Variants in CNTNAP2 observed in about 807,000 individuals in gnomAD.
CNTNAP2 encodes the protein contactin associated protein 2, also known as contactin-associated protein-like 2.
Under a neutral mutation model 155.2 loss-of-function variants are expected in CNTNAP2, and 98 were observed. The observed-to-expected ratio is 0.63, with a 90% CI of 0.54 to 0.75. CNTNAP2 has a LOEUF of 0.75. Ranked by LOEUF, CNTNAP2 falls within the 30% of genes least tolerant of loss-of-function variation. The pLI is 0.00. For synonymous variants in CNTNAP2, 651 were observed against 631.2 expected (o/e 1.03, Z -0.47); for missense variants, 1,727 against 1,688.1 (o/e 1.02, Z -0.40).
rs747922195 is a variant in CNTNAP2 at position 146,779,817 on chromosome 7, C to A, written c.208+5436C>A. Among the ~76,000 whole-genome samples the A allele has an allele frequency of 6.2e-4, 94 of 152,298 alleles. 1 individual carries two copies. The highest frequency in any genetic ancestry group is 1.2e-3 in the Non-Finnish European group (79 of 68,018). Reference sequence around the variant, plus strand: ...ATGTTGTTTTCACATTAGTTTTCCTCTATTTCCTTCAGCAGGGAAAACACA... The same window carrying A: ...ATGTTGTTTTCACATTAGTTTTCCTATATTTCCTTCAGCAGGGAAAACACA... On this transcript the variant is annotated intron_variant, in intron 2 of 23. Transcript: ENST00000361727.
chr7:147,546,144 CTT>C (rs1453056053), intron 11 of CNTNAP2, among the ~76,000 whole-genome samples: 1 of 152,118 alleles, frequency 6.6e-6, no homozygotes, highest in Non-Finnish European at 1.5e-5. Context: ...GCTAATGTCT[CTT>C]TAATCAAAAC....
At chr7:147,402,262 G>C (rs184664918) in intron 10 of CNTNAP2, among the ~76,000 whole-genome samples, 1 of 152,072 alleles carries the variant, frequency 6.6e-6, no homozygotes, top group Admixed American at 6.5e-5. Flanking sequence ...TATGCAATAC[G>C]TTATCACCAC....
intron 9 of CNTNAP2, among the ~76,000 whole-genome samples, chr7:147,330,369 G>A (rs1015024077): frequency 9.2e-5 from 14 of 152,062 alleles, no homozygotes; most frequent in Middle Eastern, 3.4e-3. Context: ...GAATGTGTCC[G>A]TTGTGATAAA....
chr7:147,720,665 G>A (rs927068806), intron 13 of CNTNAP2, among the ~76,000 whole-genome samples: 1 of 152,014 alleles, frequency 6.6e-6, no homozygotes, highest in African/African-American at 2.4e-5. Context: ...GAGATCCGAT[G>A]GTTTTATAAG....
At chr7:147,631,578 C>T (rs1488435005) in intron 12 of CNTNAP2, among the ~76,000 whole-genome samples, 2 of 152,280 alleles carry the variant, frequency 1.3e-5, no homozygotes, top group African/African-American at 4.8e-5. Context: ...CTAATTAAAA[C>T]TATTCTACAA....
chr7:147,978,088 G>C (rs1801462540), intron 15 of CNTNAP2, 99 bp downstream of exon 15: 2 of 1,484,264 alleles, frequency 1.3e-6, no homozygotes, highest in Admixed American at 3.8e-5. Flanking sequence ...TTGCTCTCCT[G>C]TAGCTCCTAC....
At chr7:146,694,696 G>A (rs959121169) in intron 1 of CNTNAP2, among the ~76,000 whole-genome samples, 1 of 152,056 alleles carries the variant, frequency 6.6e-6, no homozygotes, top group Non-Finnish European at 1.5e-5. Context: ...AAGAATTCAG[G>A]TTTTAACAAT....
intron 3 of CNTNAP2, among the ~76,000 whole-genome samples, chr7:146,987,414 TAAATGA>T (rs1456341674): frequency 6.6e-6 from 1 of 152,044 alleles, no homozygotes; most frequent in Non-Finnish European, 1.5e-5. Context: ...TAAATACAAA[TAAATGA>T]AAATGAAAAT....
chr7:146,161,210 A>G (rs1261328796), intron 1 of CNTNAP2, among the ~76,000 whole-genome samples: 1 of 152,230 alleles, frequency 6.6e-6, no homozygotes. Context: ...TCAAAATAAT[A>G]AGAGCTATGT....
chr7:146,603,229 G>A (rs903795593), intron 1 of CNTNAP2, among the ~76,000 whole-genome samples: 1 of 151,168 alleles, frequency 6.6e-6, no homozygotes, highest in Non-Finnish European at 1.5e-5. Context: ...TGGCTAACAG[G>A]GTGAAACCCC....
intron 1 of CNTNAP2, among the ~76,000 whole-genome samples, chr7:146,503,911 GT>G (rs1797343136): frequency 6.6e-6 from 1 of 152,196 alleles, no homozygotes; most frequent in South Asian, 2.1e-4. Context: ...ACCATAGGCA[GT>G]TGGGAAATGG....
At chr7:148,174,739 A>AT (rs1794903692) in intron 18 of CNTNAP2, among the ~76,000 whole-genome samples, 1 of 152,132 alleles carries the variant, frequency 6.6e-6, no homozygotes, top group East Asian at 1.9e-4. Flanking sequence ...AAATACTAGT[A>AT]TTTTTTCTTA....
intron 14 of CNTNAP2, among the ~76,000 whole-genome samples, chr7:147,919,946 T>C (rs186945883): frequency 4.5e-4 from 68 of 152,098 alleles, no homozygotes; most frequent in African/African-American, 1.5e-3. Context: ...CAATAAAAAA[T>C]TAAGTTTCCT....
At chr7:147,377,183 C>G (rs1796450054) in intron 9 of CNTNAP2, among the ~76,000 whole-genome samples, 1 of 151,010 alleles carries the variant, frequency 6.6e-6, no homozygotes, top group African/African-American at 2.4e-5. Flanking sequence ...TCGATTTCCC[C>G]TACAATTGCT....
At chr7:146,713,328 G>A (rs1801131285) in intron 1 of CNTNAP2, among the ~76,000 whole-genome samples, 1 of 152,082 alleles carries the variant, frequency 6.6e-6, no homozygotes, top group South Asian at 2.1e-4. Context: ...ATTAATTAGT[G>A]TTCCATCATT....
At chr7:148,120,237 C>T (rs1804570702) in intron 16 of CNTNAP2, among the ~76,000 whole-genome samples, 2 of 148,066 alleles carry the variant, frequency 1.4e-5, no homozygotes, top group African/African-American at 2.5e-5. Flanking sequence ...ACTCAGCCCT[C>T]GGGGTCAAAG....
At chr7:146,179,898 C>T (rs546072118) in intron 1 of CNTNAP2, among the ~76,000 whole-genome samples, 4 of 152,234 alleles carry the variant, frequency 2.6e-5, no homozygotes, top group East Asian at 1.9e-4. Flanking sequence ...TTGTTGGATA[C>T]GTTGCCGAAT....
chr7:147,564,558 G>A (rs1800129515), intron 12 of CNTNAP2, among the ~76,000 whole-genome samples: 1 of 151,988 alleles, frequency 6.6e-6, no homozygotes. Flanking sequence ...GCTTGGACTG[G>A]ACAATTAAGA....
Position 146,838,652 on chromosome 7 carries a change from A to T in CNTNAP2, c.209-1059A>T, listed in dbSNP as rs1017536006. On this transcript the variant is annotated intron_variant, in intron 2 of 23. Transcript: ENST00000361727. ...ATATATTTTTTAGTTTTGTAATTTT[A>T]AAAAAAGCTATTCTATCATAGTTTT... Among the ~76,000 whole-genome samples, 9 of 152,258 alleles carry T rather than the reference A, an allele frequency of 5.9e-5. No homozygotes were observed. In the South Asian group the frequency reaches 6.2e-4, roughly 11 times the overall value.
Sources: allele counts gnomAD v4.1 joint callset (sites outside exome capture counted in the v4.1 genomes callset), GRCh38; gene constraint gnomAD v4.1.1; transcripts MANE v1.5; gene names NCBI Gene and HGNC (gene_info 2026-07-23, HGNC 2026-07-21).